TFB1M: variants seen among roughly 807,000 people sequenced by gnomAD.
TFB1M encodes the protein transcription factor B1, mitochondrial.
TFB1M carries 27 observed loss-of-function variants against 31.1 expected under a neutral mutation model. The observed-to-expected ratio is 0.87, with a 90% CI of 0.64 to 1.20. The LOEUF is 1.20. Among genes scored for constraint, TFB1M ranks in the 50% most tolerant of loss-of-function variants. The pLI, the probability that TFB1M is intolerant of heterozygous loss-of-function variation, is 0.00. For missense variants in TFB1M, 394 were observed against 418.7 expected (o/e 0.94, Z 0.51); for synonymous variants, 166 against 151.8 (o/e 1.09, Z -0.69).
chr6:155,254,368 C>T, downstream of TFB1M: 1 of 1,588,396 alleles, frequency 6.3e-7, no homozygotes, highest in South Asian at 1.1e-5. Context: ...GGAATGGAAG[C>T]ACGATGAACA....
At chr6:155,245,587 C>A in the TFB1M span, 1 of 1,546,878 alleles carries the variant, frequency 6.5e-7, no homozygotes, top group Non-Finnish European at 8.9e-7. Flanking sequence ...ATTGATTAAA[C>A]CATGTCTGAT....
At chr6:155,279,878 T>C (rs1375970117) in intron 5 of TFB1M, among the ~76,000 whole-genome samples, 3 of 152,186 alleles carry the variant, frequency 2.0e-5, no homozygotes, top group Admixed American at 1.3e-4. Context: ...CTTATCTCTA[T>C]TCAACACGTA....
At chr6:155,266,996 G>A (rs1178917312) in intron 5 of TFB1M, among the ~76,000 whole-genome samples, 1 of 138,380 alleles carries the variant, frequency 7.2e-6, no homozygotes, top group Non-Finnish European at 1.5e-5. Context: ...TTGAGACAGA[G>A]TCTCACTCTA....
In TFB1M at chr6:155,257,934, G is replaced by A. The variant is rs973519896; in HGVS notation, c.943C>T (p.Pro315Ser). The A allele has an allele frequency of 6.2e-7, 1 of 1,614,076 alleles. No homozygotes were observed. The highest frequency in any genetic ancestry group is 8.5e-7 in the Non-Finnish European group (1 of 1,180,010). ...DVYRKMCDED[P>S]QLFAYNFREE... The stretch of plus-strand genomic sequence containing the variant: ...CTGAAATTATATGCAAAGAGTTGTG[G>A]GTCTTCATCACACATTTTTCTGTAT... The change falls in exon 7 of 7, where the codon CCA becomes TCA. Residue 315 changes from proline to serine, a missense_variant. Physicochemically the swap from Pro to Ser is moderately conservative, Grantham distance 74. Around this residue, in one of 3 missense-constraint regions of TFB1M, gnomAD observed 115 missense variants for 144.1 expected, o/e 0.80. Coordinates refer to ENST00000367166, the MANE Select transcript of TFB1M (RefSeq NM_016020.4).
chr6:155,245,574 C>T, the TFB1M span: 34 of 1,451,728 alleles, frequency 2.3e-5, no homozygotes, highest in African/African-American at 8.4e-5. Flanking sequence ...TAAGCCAGCA[C>T]GCATTGATTA....
At chr6:155,234,161 T>C in the TFB1M span, among the ~76,000 whole-genome samples, 3 of 152,168 alleles carry the variant, frequency 2.0e-5, no homozygotes, top group Non-Finnish European at 4.4e-5. Context: ...TTTGTAGCAT[T>C]GATTGCTACA....
At chr6:155,303,700 T>C (rs1183956864) in intron 2 of TFB1M, among the ~76,000 whole-genome samples, 1 of 152,228 alleles carries the variant, frequency 6.6e-6, no homozygotes, top group African/African-American at 2.4e-5. Context: ...TCTTTCTGCC[T>C]GGACGCTGAA....
In TFB1M at chr6:155,256,974, G is replaced by T; in HGVS notation, c.*862C>A. 6.2e-7 allele frequency: 1 copy of T among 1,614,156 alleles called. No homozygotes were observed. The highest frequency in any genetic ancestry group is 8.5e-7 in the Non-Finnish European group (1 of 1,180,024). On this transcript the variant is annotated 3_prime_UTR_variant, in exon 7 of 7. Coordinates refer to ENST00000367166, the MANE Select transcript of TFB1M (RefSeq NM_016020.4). The stretch of plus-strand genomic sequence containing the variant: ...ACAGAGGAACTTTGCTCAAGGCGCA[G>T]ATCCGTCACCAGTCCCTTGACAGTC...
At position 155,257,696 on chromosome 6, in the gene TFB1M, C is replaced by A; in HGVS notation, c.*140G>T. 1 of 950,602 alleles carries A rather than the reference C, an allele frequency of 1.1e-6. No homozygotes were observed. The highest frequency in any genetic ancestry group is 1.5e-5 in the South Asian group (1 of 65,584). The allele number at this position is 950,602 out of a possible 1,614,324, so 58.9% of individuals were successfully genotyped here. A position where few individuals can be genotyped will look rare whatever the true frequency, so the allele number is the denominator to read the frequency against. On this transcript the variant is annotated 3_prime_UTR_variant, in exon 7 of 7. Transcript: ENST00000367166. ...GATGATATTTATTTTCTCTGCCAAG[C>A]TGTATAGTAAAAGGAAAATAAGTCA...
At chr6:155,260,922 A>G (rs1406143658) in intron 5 of TFB1M, 1 of 184,090 alleles carries the variant, frequency 5.4e-6, no homozygotes, top group African/African-American at 2.4e-5. Context: ...AAAGCCACAG[A>G]ACTTTCTAGT....
intron 6 of TFB1M, among the ~76,000 whole-genome samples, chr6:155,259,025 G>A (rs1260512604): frequency 1.3e-5 from 2 of 152,196 alleles, no homozygotes; most frequent in Non-Finnish European, 2.9e-5. Context: ...AATGAATAGG[G>A]CCCTTCACTT....
chr6:155,274,579 T>G (rs945496938), intron 5 of TFB1M, among the ~76,000 whole-genome samples: 1 of 152,248 alleles, frequency 6.6e-6, no homozygotes, highest in African/African-American at 2.4e-5. Flanking sequence ...TGGTCCCAAT[T>G]AGAAAGGACC....
chr6:155,307,627 A>C (rs541627725), intron 2 of TFB1M, among the ~76,000 whole-genome samples: 1 of 152,264 alleles, frequency 6.6e-6, no homozygotes, highest in Admixed American at 6.5e-5. Context: ...CCATATCACA[A>C]AGTATTTACT....
chr6:155,276,178 A>AG, intron 5 of TFB1M: 1 of 1,614,204 alleles, frequency 6.2e-7, no homozygotes, highest in Non-Finnish European at 8.5e-7. Context: ...TGACAGTTCC[A>AG]GAAAGCAACA....
chr6:155,254,572 A>G, downstream of TFB1M: 1 of 1,609,624 alleles, frequency 6.2e-7, no homozygotes, highest in Non-Finnish European at 8.5e-7. Context: ...CGGCCAAATT[A>G]GGTGAGAATT....
the TFB1M span, among the ~76,000 whole-genome samples, chr6:155,233,112 C>T: frequency 1.3e-5 from 2 of 152,178 alleles, no homozygotes; most frequent in African/African-American, 4.8e-5. Flanking sequence ...CAGTGGACTC[C>T]TGCCACGTAT....
intron 4 of TFB1M, among the ~76,000 whole-genome samples, chr6:155,294,919 T>C: frequency 6.6e-6 from 1 of 152,202 alleles, no homozygotes; most frequent in East Asian, 1.9e-4. Context: ...AATGAATAGA[T>C]AAGGATCTTA....
intron 1 of TFB1M, among the ~76,000 whole-genome samples, chr6:155,313,906 C>T (rs1244177131): frequency 1.3e-5 from 2 of 152,230 alleles, no homozygotes; most frequent in East Asian, 3.8e-4. Context: ...AATTTAAATT[C>T]TGGTAACTTT....
rs1057487102 is a variant in TFB1M at position 155,256,358 on chromosome 6, T to C, written c.*1478A>G. The C allele has an allele frequency of 7.9e-6, 11 of 1,394,658 alleles. No homozygotes were observed. Among genetic ancestry groups the C allele is most frequent in the African/African-American group, 5.8e-5 (4 of 69,174 alleles). 86.4% of individuals were successfully genotyped at this position (1,394,658 alleles called of 1,614,324 possible). On this transcript the variant is annotated 3_prime_UTR_variant, in exon 7 of 7. Transcript: ENST00000367166. ...CATTTTTGCCTAATTACCAGGATAG[T>C]TGCTAACTGAAGTCATATCATAAAA... is the stretch of plus-strand genomic sequence containing the variant.
Sources: gnomAD v4.1 joint callset for allele counts (sites outside exome capture counted in the v4.1 genomes callset) on GRCh38, gnomAD v4.1.1 for gene constraint, gnomAD v4.1.1 regional missense constraint, MANE v1.5 for transcripts, NCBI Gene and HGNC (gene_info 2026-07-23, HGNC 2026-07-21) for gene names.